The following HTR1F variants were observed in gnomAD, a reference collection of about 807,000 sequenced individuals.
The protein encoded by HTR1F is 5-hydroxytryptamine (serotonin) receptor 1F, G protein-coupled.
A neutral mutation model predicts 24.0 loss-of-function variants in HTR1F; 17 were observed. The observed-to-expected ratio is 0.71, with a 90% confidence interval of 0.48 to 1.06. HTR1F has a LOEUF of 1.06. Ranked by LOEUF, HTR1F falls within the 50% of genes least tolerant of loss-of-function variation. The pLI is 0.00. For synonymous variants in HTR1F, 186 were observed against 156.8 expected (o/e 1.19, Z -1.39); for missense variants, 391 against 427.8 (o/e 0.91, Z 0.76).
intron 1 of HTR1F, among the ~76,000 whole-genome samples, chr3:87,809,940 A>G (rs1704132916): frequency 6.6e-6 from 1 of 152,064 alleles, no homozygotes; most frequent in Non-Finnish European, 1.5e-5. Context: ...TTTTTACCCA[A>G]TCTGGATACA....
rs561188704 is a variant in HTR1F, at chr3:87,990,403, A to G, written c.-42-305A>G. On this transcript the variant is annotated intron_variant, in intron 2 of 2. Transcript: ENST00000319595. ...CTTTTAAACTTTTTCTGACATGGAC[A>G]AAGAGAAAAACCAATTCTATAATGG... 2.6e-5 allele frequency among the ~76,000 whole-genome samples: 4 copies of G among 152,328 alleles called. No individual in the cohort carries two copies. The East Asian group carries it at 7.7e-4, about 29-fold the overall frequency.
intron 2 of HTR1F, among the ~76,000 whole-genome samples, chr3:87,910,052 T>C (rs568527469): frequency 1.3e-5 from 2 of 152,186 alleles, no homozygotes; most frequent in South Asian, 2.1e-4. Flanking sequence ...TAATTTTCTA[T>C]ATTAAATATT....
chr3:87,813,404 A>G (rs1255754924), intron 1 of HTR1F, among the ~76,000 whole-genome samples: 3 of 152,218 alleles, frequency 2.0e-5, no homozygotes, highest in Non-Finnish European at 1.5e-5. Flanking sequence ...CAATGCCTGT[A>G]TCCCCATTAT....
At chr3:87,833,970 C>T (rs1279166252) in intron 2 of HTR1F, among the ~76,000 whole-genome samples, 3 of 152,100 alleles carry the variant, frequency 2.0e-5, no homozygotes, top group South Asian at 2.1e-4. Flanking sequence ...GAAAAATTAT[C>T]TTGTTGTATC....
chr3:87,793,221 G>C (rs950942868), intron 1 of HTR1F: 1 of 152,364 alleles, frequency 6.6e-6, no homozygotes, highest in African/African-American at 2.4e-5. Context: ...ACCTCGGGAA[G>C]CCGCTGGGGT....
intron 2 of HTR1F, among the ~76,000 whole-genome samples, chr3:87,928,690 C>T (rs557252047): frequency 6.6e-6 from 1 of 152,096 alleles, no homozygotes; most frequent in Non-Finnish European, 1.5e-5. Context: ...TGGTTTTGGA[C>T]CATTCATTCT....
chr3:87,915,068 A>C (rs1273467200), intron 2 of HTR1F, among the ~76,000 whole-genome samples: 2 of 152,136 alleles, frequency 1.3e-5, no homozygotes, highest in Non-Finnish European at 2.9e-5. Context: ...GAGGCAGGTA[A>C]ATTTGGTGGG....
intron 2 of HTR1F, among the ~76,000 whole-genome samples, chr3:87,968,123 T>A (rs1432951901): frequency 6.6e-6 from 1 of 152,220 alleles, no homozygotes; most frequent in African/African-American, 2.4e-5. Context: ...TGCTATGTTT[T>A]AACAAAGAGA....
chr3:87,917,677 C>T (rs1161916910), intron 2 of HTR1F, among the ~76,000 whole-genome samples: 1 of 151,136 alleles, frequency 6.6e-6, no homozygotes, highest in Non-Finnish European at 1.5e-5. Flanking sequence ...AATTAGATAC[C>T]CTGAACAGAT....
At chr3:87,810,308 G>A (rs764109913) in intron 1 of HTR1F, among the ~76,000 whole-genome samples, 2 of 152,068 alleles carry the variant, frequency 1.3e-5, no homozygotes, top group Non-Finnish European at 2.9e-5. Flanking sequence ...TCCTTCATCG[G>A]AAATGTCATT....
chr3:87,946,141 C>T (rs1342338105), intron 2 of HTR1F, among the ~76,000 whole-genome samples: 3 of 152,164 alleles, frequency 2.0e-5, no homozygotes, highest in Non-Finnish European at 2.9e-5. Context: ...AGCCTTTAGC[C>T]CAATCGGGAG....
chr3:87,826,844 T>C (rs1704474121), intron 2 of HTR1F, among the ~76,000 whole-genome samples: 1 of 152,136 alleles, frequency 6.6e-6, no homozygotes, highest in African/African-American at 2.4e-5. Context: ...AGGGTCTCAC[T>C]CTGTCACCCA....
At chr3:87,926,101 T>TGTA (rs1459420950) in intron 2 of HTR1F, among the ~76,000 whole-genome samples, 3 of 152,220 alleles carry the variant, frequency 2.0e-5, no homozygotes, top group African/African-American at 7.2e-5. Context: ...AATCAATCTT[T>TGTA]TTTACAGAAA....
chr3:87,938,526 T>C (rs1403265710), intron 2 of HTR1F, among the ~76,000 whole-genome samples: 2 of 152,168 alleles, frequency 1.3e-5, no homozygotes, highest in Non-Finnish European at 2.9e-5. Flanking sequence ...TCACCTTACC[T>C]GACTTCAAAC....
intron 2 of HTR1F, among the ~76,000 whole-genome samples, chr3:87,926,221 C>A (rs1704123537): frequency 6.6e-6 from 1 of 152,104 alleles, no homozygotes; most frequent in Admixed American, 6.5e-5. Context: ...ATACAAGGTC[C>A]TTTTAAAAAA....
At chr3:87,832,895 T>C (rs1052715552) in intron 2 of HTR1F, among the ~76,000 whole-genome samples, 3 of 152,190 alleles carry the variant, frequency 2.0e-5, no homozygotes, top group African/African-American at 7.2e-5. Flanking sequence ...ATAGAGAAAA[T>C]ATTTGCCAAG....
intron 2 of HTR1F, among the ~76,000 whole-genome samples, chr3:87,944,064 G>A (rs1333780327): frequency 6.6e-6 from 1 of 152,146 alleles, no homozygotes; most frequent in African/African-American, 2.4e-5. Flanking sequence ...CTGCTTATCA[G>A]ATTAGTTATG....
chr3:87,907,197 AT>A lies in HTR1F; in HGVS notation c.-42-83500del, dbSNP rs34920865. Among the ~76,000 whole-genome samples, 157 of 147,774 alleles carry A rather than the reference AT, an allele frequency of 1.1e-3. 1 individual carries two copies. Among genetic ancestry groups the A allele is most frequent in the South Asian group, 8.5e-3 (40 of 4,700 alleles). Reference sequence around the variant, plus strand: ...TTTTACCACATCTATGCCAACATTTATTTTTTTTTTTGATTATTGGTCATTC... The same window carrying A: ...TTTTACCACATCTATGCCAACATTTATTTTTTTTTTGATTATTGGTCATTC... On this transcript the variant is annotated intron_variant, in intron 2 of 2. Transcript: ENST00000319595.
At chr3:87,903,216 C>T (rs1428504576) in intron 2 of HTR1F, among the ~76,000 whole-genome samples, 2 of 150,990 alleles carry the variant, frequency 1.3e-5, no homozygotes, top group Admixed American at 6.6e-5. Context: ...TAGGCATGGG[C>T]AAGGACTTCA....
Sources: allele counts gnomAD v4.1 joint callset (sites outside exome capture counted in the v4.1 genomes callset), GRCh38; gene constraint gnomAD v4.1.1; transcripts MANE v1.5; gene names NCBI Gene and HGNC (gene_info 2026-07-23, HGNC 2026-07-21).